RNF2: variants seen among roughly 807,000 people sequenced by gnomAD.
RNF2 encodes the protein E3 ubiquitin-protein ligase RING2.
In RNF2, 6 loss-of-function variants were observed where a neutral mutation model predicts 37.2. That is an observed-to-expected ratio of 0.16 (90% CI 0.09 to 0.32). The LOEUF is 0.32. RNF2 is among the 10% of genes least tolerant of loss of function. RNF2 has a pLI of 1.00. For synonymous variants in RNF2, 133 were observed against 132.7 expected, an observed-to-expected ratio of 1.00 and a Z score of -0.02; for missense variants, 251 against 404.0, an observed-to-expected ratio of 0.62 and a Z score of 3.25.
At chr1:185,099,021 A>C (rs1396228087) in intron 5 of RNF2, among the ~76,000 whole-genome samples, 2 of 143,226 alleles carry the variant, frequency 1.4e-5, no homozygotes, top group African/African-American at 5.2e-5. Flanking sequence ...AAGTGCTGGG[A>C]TTATAGGCCC....
At chr1:185,075,088 G>A (rs1331642634) in intron 1 of RNF2, among the ~76,000 whole-genome samples, 6 of 152,130 alleles carry the variant, frequency 3.9e-5, no homozygotes, top group Middle Eastern at 3.4e-3. Context: ...TACACCTTCC[G>A]GGTTCAAGCC....
intron 1 of RNF2, among the ~76,000 whole-genome samples, chr1:185,065,297 G>C (rs2102165627): frequency 6.6e-6 from 1 of 152,308 alleles, no homozygotes; most frequent in Middle Eastern, 3.4e-3. Flanking sequence ...GGACCAATCA[G>C]CACTCTGTAA....
At position 185,051,899 on chromosome 1, in the gene RNF2, CGTATTT is replaced by C. The variant is rs1436367992; in HGVS notation, c.-3+6257_-3+6262del. ...GTAAAAATGTGTGTATGTAAAAAGT[CGTATTT>C]GTATTTATACATATATTTATAATAT... On this transcript the variant is annotated intron_variant, in intron 1 of 6. Transcript: ENST00000367510. Among the ~76,000 whole-genome samples, 5 of 146,958 alleles carry C rather than the reference CGTATTT, an allele frequency of 3.4e-5. No individual in the cohort carries two copies. In the South Asian group the frequency reaches 1.1e-3, roughly 31 times the overall value.
chr1:185,086,215 T>C (rs1651596535), intron 1 of RNF2, among the ~76,000 whole-genome samples: 1 of 152,230 alleles, frequency 6.6e-6, no homozygotes, highest in Non-Finnish European at 1.5e-5. Context: ...GCTTAGACTT[T>C]GTCTTATCGA....
chr1:185,063,400 A>G (rs1040728322), intron 1 of RNF2, among the ~76,000 whole-genome samples: 8 of 152,206 alleles, frequency 5.3e-5, no homozygotes, highest in East Asian at 3.8e-4. Flanking sequence ...TTCCTTATAT[A>G]TAGCCAGATT....
chr1:185,093,527 T>C (rs1015255996), intron 4 of RNF2, among the ~76,000 whole-genome samples: 11 of 152,066 alleles, frequency 7.2e-5, no homozygotes, highest in Admixed American at 5.9e-4. Context: ...CTTGAAAGAG[T>C]TGTAACTCCA....
At chr1:185,078,241 C>T (rs1216189737) in intron 1 of RNF2, among the ~76,000 whole-genome samples, 1 of 152,118 alleles carries the variant, frequency 6.6e-6, no homozygotes, top group Non-Finnish European at 1.5e-5. Context: ...AGTGAGACTC[C>T]ATCATAAATC....
At chr1:185,086,220 T>C (rs1474071143) in intron 1 of RNF2, among the ~76,000 whole-genome samples, 1 of 152,180 alleles carries the variant, frequency 6.6e-6, no homozygotes, top group African/African-American at 2.4e-5. Flanking sequence ...GACTTTGTCT[T>C]ATCGATTGTT....
chr1:185,084,024 T>C (rs1354341533), intron 1 of RNF2, among the ~76,000 whole-genome samples: 1 of 150,118 alleles, frequency 6.7e-6, no homozygotes, highest in African/African-American at 2.5e-5. Flanking sequence ...TCACTGAAAC[T>C]TTAAACTCCT....
Position 185,100,284 on chromosome 1 carries a change from A to G in RNF2, c.994A>G (p.Thr332Ala), listed in dbSNP as rs189785522. Residue 332 changes from threonine (T) to alanine (A), a missense_variant, in exon 7 of 7, where the codon ACA (threonine) becomes GCA (alanine). By Grantham distance (58) the Thr-to-Ala change is moderately conservative. Transcript: ENST00000367510. ...NKPMELYYAPTKEHK is the reference protein window; with the variant it reads ...NKPMELYYAPAKEHK ...ACCCATGGAACTTTATTACGCACCT[A>G]CAAAGGAGCACAAATGAGCCTTTAA... 9.8e-5 allele frequency: 157 copies of G among 1,608,804 alleles called. No homozygotes were observed. The highest frequency in any genetic ancestry group is 3.6e-5 in the Non-Finnish European group (43 of 1,178,120).
chr1:185,052,485 G>A (rs1451947677), intron 1 of RNF2, among the ~76,000 whole-genome samples: 3 of 152,216 alleles, frequency 2.0e-5, no homozygotes, highest in Non-Finnish European at 4.4e-5. Context: ...CATATTACAT[G>A]AGTCCATTTC....
chr1:185,096,582 T>C (rs1034072102), intron 4 of RNF2, among the ~76,000 whole-genome samples: 1 of 152,112 alleles, frequency 6.6e-6, no homozygotes, highest in South Asian at 2.1e-4. Flanking sequence ...GTTGTTGTTA[T>C]TTACTGTTAT....
intron 2 of RNF2, among the ~76,000 whole-genome samples, chr1:185,090,066 C>T (rs1473614273): frequency 1.3e-5 from 2 of 151,962 alleles, no homozygotes; most frequent in African/African-American, 4.8e-5. Context: ...GGATTACAGG[C>T]GTGTGCCACC....
intron 1 of RNF2, among the ~76,000 whole-genome samples, chr1:185,047,611 A>G (rs537469688): frequency 6.6e-5 from 10 of 152,364 alleles, no homozygotes; most frequent in Admixed American, 4.6e-4. Context: ...TCTATACATT[A>G]GCAAAGAAGC....
intron 1 of RNF2, among the ~76,000 whole-genome samples, chr1:185,070,372 C>T (rs1333924126): frequency 2.0e-5 from 3 of 152,306 alleles, no homozygotes; most frequent in Non-Finnish European, 4.4e-5. Context: ...ACTGTGCTTT[C>T]TGACTGTCTC....
intron 1 of RNF2, among the ~76,000 whole-genome samples, chr1:185,065,365 C>T (rs978155211): frequency 3.3e-5 from 5 of 152,172 alleles, no homozygotes; most frequent in African/African-American, 1.2e-4. Flanking sequence ...AGCTGGCCAC[C>T]GAAGGCCCCA....
intron 1 of RNF2, among the ~76,000 whole-genome samples, chr1:185,068,155 T>C (rs1414211480): frequency 6.6e-6 from 1 of 152,204 alleles, no homozygotes; most frequent in African/African-American, 2.4e-5. Flanking sequence ...TTCTGAAATG[T>C]ATTTCACATT....
intron 1 of RNF2, among the ~76,000 whole-genome samples, chr1:185,060,579 T>TTC (rs1650569199): frequency 6.6e-6 from 1 of 152,150 alleles, no homozygotes; most frequent in East Asian, 1.9e-4. Context: ...ATGTGATGAA[T>TTC]TTAGTGTAGA....
chr1:185,048,902 A>C (rs1293573765), intron 1 of RNF2, among the ~76,000 whole-genome samples: 1 of 152,064 alleles, frequency 6.6e-6, no homozygotes, highest in East Asian at 1.9e-4. Flanking sequence ...GTTAGCTTGC[A>C]TTTAGGGACC....
Sources: allele counts gnomAD v4.1 joint callset (sites outside exome capture counted in the v4.1 genomes callset), GRCh38; gene constraint gnomAD v4.1.1; transcripts MANE v1.5; gene names NCBI Gene and HGNC (gene_info 2026-07-23, HGNC 2026-07-21).